The following UBAP1 variants were observed in gnomAD, a reference collection of about 807,000 sequenced individuals.
UBAP1 encodes ubiquitin associated protein 1.
In UBAP1, 5 loss-of-function variants were observed where a neutral mutation model predicts 39.0. The observed-to-expected ratio is 0.13, with a 90% CI of 0.07 to 0.27. The LOEUF is 0.27. UBAP1 is among the 10% of genes least tolerant of loss of function. UBAP1 has a pLI of 1.00. For missense variants in UBAP1, 490 were observed against 608.1 expected, an observed-to-expected ratio of 0.81 and a Z score of 2.04; for synonymous variants, 211 against 225.1, an observed-to-expected ratio of 0.94 and a Z score of 0.56.
chr9:34,213,740 T>A (rs1832143879), intron 1 of UBAP1, among the ~76,000 whole-genome samples: 2 of 152,174 alleles, frequency 1.3e-5, no homozygotes. Flanking sequence ...TGTCACTGTT[T>A]GCTGACAATA....
In UBAP1 at chr9:34,179,270, G is replaced by A. The variant is rs1587764307; in HGVS notation, c.-8+30G>A. On this transcript the variant is annotated intron_variant, in intron 1 of 6. Coordinates refer to ENST00000297661, the MANE Select transcript of UBAP1 (RefSeq NM_016525.5). ...GGGGGGCCTCCCTCTGGGGGAGGGG[G>A]AAGAGGGGCGGAGTTGGGGGAGGGG... The A allele has an allele frequency of 1.0e-5, 6 of 572,758 alleles. No individual in the cohort carries two copies. The East Asian group carries it at 3.9e-4, about 38-fold the overall frequency. The allele number at this position is 572,758 out of a possible 1,614,324, so 35.5% of individuals were successfully genotyped here. A position where few individuals can be genotyped will look rare whatever the true frequency, so the allele number is the denominator to read the frequency against.
chr9:34,250,240 C>T (rs762796226), intron 5 of UBAP1, among the ~76,000 whole-genome samples: 2 of 152,208 alleles, frequency 1.3e-5, no homozygotes, highest in Non-Finnish European at 2.9e-5. Context: ...CAGAGCTAGG[C>T]TTGGGGTATG....
chr9:34,218,250 C>CAAAAAAAAA (rs758443973), intron 1 of UBAP1, among the ~76,000 whole-genome samples: 8 of 49,522 alleles, frequency 1.6e-4, no homozygotes, highest in Admixed American at 3.0e-4. Context: ...GACTCCATCT[C>CAAAAAAAAA]AAAAAAAAAA....
chr9:34,195,948 T>TTG, intron 1 of UBAP1, among the ~76,000 whole-genome samples: 1 of 123,640 alleles, frequency 8.1e-6, no homozygotes, highest in African/African-American at 3.1e-5. Context: ...TTTTTTTTTT[T>TTG]TTTTTTTTTT....
intron 1 of UBAP1, among the ~76,000 whole-genome samples, chr9:34,218,162 G>A (rs1371295337): frequency 6.8e-6 from 1 of 148,094 alleles, no homozygotes; most frequent in Non-Finnish European, 1.5e-5. Flanking sequence ...TGAGGCAGGA[G>A]AATGGCTTGA....
rs766670438 is a variant in UBAP1 at position 34,250,007 on chromosome 9, T to G, written c.1266+46T>G. The G allele has an allele frequency of 7.5e-6, 12 of 1,597,406 alleles. No individual in the cohort carries two copies. In the South Asian group the frequency reaches 1.3e-4, roughly 18 times the overall value. On this transcript the variant is annotated intron_variant, in intron 5 of 6. Coordinates refer to ENST00000297661, the MANE Select transcript of UBAP1 (RefSeq NM_016525.5). ...GAGGGCAGGCTCAGACCTGTGGAGC[T>G]GGAGTAGTGTCCTCCCCTGTCCTAG...
intron 1 of UBAP1, among the ~76,000 whole-genome samples, chr9:34,186,587 T>A (rs969069621): frequency 2.0e-5 from 3 of 151,932 alleles, no homozygotes; most frequent in African/African-American, 7.3e-5. Flanking sequence ...TGAAATTGTA[T>A]CTATAGTGTT....
At chr9:34,237,172 C>T (rs1033299624) in intron 3 of UBAP1, among the ~76,000 whole-genome samples, 2 of 151,746 alleles carry the variant, frequency 1.3e-5, no homozygotes, top group African/African-American at 4.8e-5. Context: ...CCCTGTGTTA[C>T]TTACTTACTG....
chr9:34,208,980 G>C (rs944947742), intron 1 of UBAP1, among the ~76,000 whole-genome samples: 1 of 151,880 alleles, frequency 6.6e-6, no homozygotes, highest in Non-Finnish European at 1.5e-5. Flanking sequence ...TGTTGCTCAG[G>C]CTGGAGTGCA....
intron 1 of UBAP1, among the ~76,000 whole-genome samples, chr9:34,183,731 A>C (rs1830218877): frequency 6.6e-6 from 1 of 151,578 alleles, no homozygotes; most frequent in Non-Finnish European, 1.5e-5. Flanking sequence ...TTTCTAAGGA[A>C]GTAATAGGAT....
intron 1 of UBAP1, among the ~76,000 whole-genome samples, chr9:34,192,799 C>A (rs775692958): frequency 1.4e-4 from 21 of 151,928 alleles, no homozygotes; most frequent in Non-Finnish European, 1.5e-5. Flanking sequence ...TAACTTTTAG[C>A]CCCTGCAAAG....
At chr9:34,182,681 T>TTCTTCTTTCTCTCTCTCTC (rs1491429494) in intron 1 of UBAP1, among the ~76,000 whole-genome samples, 1 of 115,496 alleles carries the variant, frequency 8.7e-6, no homozygotes, top group South Asian at 3.1e-4. Context: ...CTTTCTTTCT[T>TTCTTCTTTCTCTCTCTCTC]TCTCTCTCTC....
intron 1 of UBAP1, among the ~76,000 whole-genome samples, chr9:34,189,087 T>C (rs1183976741): frequency 6.6e-6 from 1 of 152,106 alleles, no homozygotes; most frequent in East Asian, 1.9e-4. Flanking sequence ...AATCCTAAAA[T>C]CTTTCTATAG....
chr9:34,230,681 C>T (rs1170279539), intron 2 of UBAP1, among the ~76,000 whole-genome samples: 1 of 152,084 alleles, frequency 6.6e-6, no homozygotes, highest in Non-Finnish European at 1.5e-5. Context: ...TTGTAATCAA[C>T]ACTTAGTTTT....
At chr9:34,182,546 TATC>T (rs1830100933) in intron 1 of UBAP1, among the ~76,000 whole-genome samples, 1 of 152,168 alleles carries the variant, frequency 6.6e-6, no homozygotes, top group Non-Finnish European at 1.5e-5. Flanking sequence ...ATAGTTGAAA[TATC>T]ATTAGCCTTG....
At chr9:34,182,736 C>T (rs1464303171) in intron 1 of UBAP1, among the ~76,000 whole-genome samples, 5 of 142,252 alleles carry the variant, frequency 3.5e-5, no homozygotes, top group African/African-American at 7.9e-5. Flanking sequence ...TCCTTTCTTT[C>T]TTTTCACTCA....
intron 1 of UBAP1, among the ~76,000 whole-genome samples, chr9:34,198,985 T>G (rs1270112400): frequency 6.6e-6 from 1 of 152,238 alleles, no homozygotes; most frequent in Non-Finnish European, 1.5e-5. Context: ...GGTGTTCTTG[T>G]CTGTGGATAA....
intron 1 of UBAP1, among the ~76,000 whole-genome samples, chr9:34,210,446 C>T (rs537772506): frequency 1.6e-4 from 24 of 152,246 alleles, no homozygotes; most frequent in Admixed American, 3.3e-4. Context: ...TGGCCAGGTG[C>T]GGTGGCTCAC....
intron 1 of UBAP1, among the ~76,000 whole-genome samples, chr9:34,207,634 TTC>T (rs1484955133): frequency 6.6e-6 from 1 of 150,860 alleles, no homozygotes; most frequent in Non-Finnish European, 1.5e-5. Context: ...TGTTGTGTGT[TTC>T]TCTTATATTT....
Sources: allele counts gnomAD v4.1 joint callset (sites outside exome capture counted in the v4.1 genomes callset), GRCh38; gene constraint gnomAD v4.1.1; transcripts MANE v1.5; gene names NCBI Gene and HGNC (gene_info 2026-07-23, HGNC 2026-07-21).